Variants in CYRIA observed in about 807,000 individuals in gnomAD.
CYRIA encodes CYFIP-related Rac1 interactor A.
Under a neutral mutation model 43.9 loss-of-function variants are expected in CYRIA, and 15 were observed. The ratio of observed to expected loss-of-function variants is 0.34; its 90% CI spans 0.23 to 0.53. The LOEUF (loss-of-function observed/expected upper bound fraction) is 0.53, where lower values mean the gene tolerates loss of function less well. Among genes scored for constraint, CYRIA ranks in the 20% least tolerant of loss-of-function variants. The pLI is 0.94. For synonymous variants in CYRIA, 117 were observed against 136.0 expected (o/e 0.86, Z 0.97); for missense variants, 236 against 394.2 (o/e 0.60, Z 3.40).
chr2:16,601,918 T>C, intron 2 of CYRIA, among the ~76,000 whole-genome samples: 1 of 152,178 alleles, frequency 6.6e-6, no homozygotes. Context: ...ATAAGACATA[T>C]CAAAGGAAGC....
chr2:16,639,789 G>A (rs1669617262), intron 1 of CYRIA, among the ~76,000 whole-genome samples: 1 of 152,166 alleles, frequency 6.6e-6, no homozygotes, highest in African/African-American at 2.4e-5. Context: ...ATTCATAATA[G>A]CCTTAAAGCT....
At chr2:16,586,882 A>G (rs1218263410) in intron 3 of CYRIA, among the ~76,000 whole-genome samples, 1 of 152,136 alleles carries the variant, frequency 6.6e-6, no homozygotes, top group Admixed American at 6.5e-5. Flanking sequence ...TGTGCTTGCT[A>G]TTGTGAAATT....
At chr2:16,589,685 C>G (rs767477854) in intron 2 of CYRIA, among the ~76,000 whole-genome samples, 2 of 151,954 alleles carry the variant, frequency 1.3e-5, no homozygotes, top group African/African-American at 2.4e-5. Context: ...AGGAAGTGCT[C>G]AAGAAAAATT....
chr2:16,628,399 T>C (rs1281300625), intron 1 of CYRIA, among the ~76,000 whole-genome samples: 1 of 152,186 alleles, frequency 6.6e-6, no homozygotes, highest in Admixed American at 6.5e-5. Flanking sequence ...CTCAAAGCCG[T>C]GTGTGCTGTG....
intron 3 of CYRIA, among the ~76,000 whole-genome samples, chr2:16,581,428 G>C (rs1277702025): frequency 2.0e-5 from 3 of 152,132 alleles, no homozygotes; most frequent in African/African-American, 7.2e-5. Flanking sequence ...ACAGCTAACA[G>C]GAAAATGACT....
At chr2:16,651,233 T>C (rs1669967575) in intron 1 of CYRIA, among the ~76,000 whole-genome samples, 1 of 152,186 alleles carries the variant, frequency 6.6e-6, no homozygotes, top group South Asian at 2.1e-4. Context: ...CACTCCTGTA[T>C]ACCCACAGAT....
intron 9 of CYRIA, 106 bp from the exon 10 acceptor site, chr2:16,559,692 A>G (rs1666658823): frequency 7.6e-7 from 1 of 1,310,780 alleles, no homozygotes. Context: ...TCTTGGGAAC[A>G]ATCCCAGACC....
chr2:16,565,465 C>T (rs1024378744), intron 4 of CYRIA, among the ~76,000 whole-genome samples, 181 bp downstream of exon 4: 10 of 152,280 alleles, frequency 6.6e-5, no homozygotes, highest in African/African-American at 2.2e-4. Flanking sequence ...GGATTATAGG[C>T]GTGAGCCACC....
intron 2 of CYRIA, among the ~76,000 whole-genome samples, chr2:16,612,905 C>T (rs1356048385): frequency 1.3e-5 from 2 of 152,148 alleles, no homozygotes; most frequent in African/African-American, 2.4e-5. Context: ...TGGCACTTCC[C>T]CCCCATACTG....
intron 10 of CYRIA, among the ~76,000 whole-genome samples, chr2:16,558,571 C>T (rs1207921305): frequency 6.6e-6 from 1 of 152,154 alleles, no homozygotes; most frequent in Admixed American, 6.6e-5. Flanking sequence ...TGGGTTGGTG[C>T]TAGAGGCAAG....
chr2:16,614,886 T>C (rs1167425343), intron 2 of CYRIA, among the ~76,000 whole-genome samples: 1 of 152,156 alleles, frequency 6.6e-6, no homozygotes, highest in Non-Finnish European at 1.5e-5. Flanking sequence ...AAAATCTCTC[T>C]GCAGAGTAGT....
intron 1 of CYRIA, among the ~76,000 whole-genome samples, chr2:16,660,200 C>T (rs910481792): frequency 2.6e-5 from 4 of 152,202 alleles, no homozygotes; most frequent in Non-Finnish European, 4.4e-5. Flanking sequence ...TGTGGAAAGG[C>T]ACTTTCAAGT....
intron 2 of CYRIA, among the ~76,000 whole-genome samples, chr2:16,606,823 TTA>T (rs1390587834): frequency 2.6e-5 from 4 of 152,146 alleles, no homozygotes; most frequent in Admixed American, 2.6e-4. Context: ...TTGAGTTTTC[TTA>T]AACTGGAGCT....
At chr2:16,554,631 A>G (rs1008946533) in intron 11 of CYRIA, among the ~76,000 whole-genome samples, 2 of 152,190 alleles carry the variant, frequency 1.3e-5, no homozygotes, top group African/African-American at 2.4e-5. Flanking sequence ...AGTCACATGC[A>G]GTCAGAATCA....
chr2:16,613,632 T>G (rs77385917), intron 2 of CYRIA, among the ~76,000 whole-genome samples: 3,888 of 152,324 alleles, frequency 0.026, 50 homozygotes, highest in Non-Finnish European at 0.039. Flanking sequence ...GTTAAGTACC[T>G]TATCCACTAA....
At chr2:16,553,609 G>T (rs1209208077) in intron 11 of CYRIA, among the ~76,000 whole-genome samples, 1 of 152,126 alleles carries the variant, frequency 6.6e-6, no homozygotes, top group Non-Finnish European at 1.5e-5. Context: ...GTAAAGGTGA[G>T]GTCATTGCCT....
At chr2:16,604,970 A>G (rs1288205313) in intron 2 of CYRIA, among the ~76,000 whole-genome samples, 2 of 152,244 alleles carry the variant, frequency 1.3e-5, no homozygotes, top group South Asian at 2.1e-4. Context: ...TGTGTTTTCA[A>G]AACGTTTTAA....
At chr2:16,626,452 C>T (rs568539787) in intron 1 of CYRIA, among the ~76,000 whole-genome samples, 3 of 152,294 alleles carry the variant, frequency 2.0e-5, no homozygotes, top group African/African-American at 7.2e-5. Context: ...CTCACCCTCA[C>T]CCCACCTTCT....
At chr2:16,658,706 C>G (rs989365667) in intron 1 of CYRIA, among the ~76,000 whole-genome samples, 13 of 151,790 alleles carry the variant, frequency 8.6e-5, no homozygotes, top group African/African-American at 3.1e-4. Flanking sequence ...TCCTTTTTTT[C>G]TTTTCTTTTC....
Sources: gnomAD v4.1 joint callset for allele counts (sites outside exome capture counted in the v4.1 genomes callset) on GRCh38, gnomAD v4.1.1 for gene constraint, MANE v1.5 for transcripts, NCBI Gene and HGNC (gene_info 2026-07-23, HGNC 2026-07-21) for gene names.